The following ANK3 variants were observed in gnomAD, a reference collection of about 807,000 sequenced individuals.
ANK3 encodes the protein ankyrin-3.
A neutral mutation model predicts 370.9 loss-of-function variants in ANK3; 57 were observed. The observed-to-expected ratio is 0.15, with a 90% CI of 0.12 to 0.19. The LOEUF (loss-of-function observed/expected upper bound fraction) is 0.19. Among genes scored for constraint, ANK3 ranks in the 10% least tolerant of loss-of-function variants. The pLI is 1.00. For synonymous variants in ANK3, 1,929 were observed against 1,946.3 expected, an observed-to-expected ratio of 0.99 and a Z score of 0.23; for missense variants, 4,439 against 5,302.1, an observed-to-expected ratio of 0.84 and a Z score of 5.06.
intron 8 of ANK3, among the ~76,000 whole-genome samples, chr10:60,223,827 A>T (rs1183737841): frequency 6.6e-6 from 1 of 152,094 alleles, no homozygotes; most frequent in African/African-American, 2.4e-5. Flanking sequence ...TCTAAATAAG[A>T]TTTCCTTTTT....
At chr10:60,429,407 A>G (rs3999538) in intron 2 of ANK3, among the ~76,000 whole-genome samples, 54,916 of 152,102 alleles carry the variant, frequency 0.36, 10,294 homozygotes, top group South Asian at 0.43. Context: ...GAGGGTACAC[A>G]TATTCCAAGT....
chr10:60,052,282 C>T lies in ANK3; in HGVS notation c.13065+3376G>A, dbSNP rs573476875. On this transcript the variant is annotated intron_variant, in intron 42 of 43. Coordinates refer to ENST00000280772, the MANE Select transcript of ANK3 (RefSeq NM_020987.5). Reference sequence around the variant, plus strand: ...GGCAGAGGTTGCAGTGAGCTGAAATCGCGCCACTGCACTCCAGCCTGGGCA... The same window carrying T: ...GGCAGAGGTTGCAGTGAGCTGAAATTGCGCCACTGCACTCCAGCCTGGGCA... 3.3e-5 allele frequency among the ~76,000 whole-genome samples: 5 copies of T among 152,182 alleles called. No individual in the cohort carries two copies. The South Asian group carries it at 6.2e-4, about 19-fold the overall frequency.
chr10:60,377,632 T>C (rs1468721554), intron 1 of ANK3, among the ~76,000 whole-genome samples: 3 of 152,150 alleles, frequency 2.0e-5, no homozygotes, highest in Non-Finnish European at 4.4e-5. Flanking sequence ...CATTTATATA[T>C]AGAAAATAAA....
In ANK3 at chr10:60,029,370, C is replaced by A. The variant is rs1406415543; in HGVS notation, c.*476G>T. The A allele has an allele frequency of 1.3e-5, 2 of 152,396 alleles. No individual in the cohort carries two copies. The highest frequency in any genetic ancestry group is 4.8e-5 in the African/African-American group (2 of 41,350). 9.4% of individuals were successfully genotyped at this position (152,396 alleles called of 1,614,324 possible). ...GTGTTATTATTTACAGCAAAACTATCGATGTTTTAAAAAAGAAACAAATAG... is the reference window on the plus strand; with the variant it reads ...GTGTTATTATTTACAGCAAAACTATAGATGTTTTAAAAAAGAAACAAATAG... On this transcript the variant is annotated 3_prime_UTR_variant, in exon 44 of 44. Transcript: ENST00000280772.
At position 60,215,955 on chromosome 10, in the gene ANK3, C is replaced by T. The variant is rs556113565; in HGVS notation, c.898-2445G>A. Among the ~76,000 whole-genome samples, 8 of 152,290 alleles carry T rather than the reference C, an allele frequency of 5.3e-5. No individual in the cohort carries two copies. The South Asian group carries it at 1.0e-3, about 20-fold the overall frequency. On this transcript the variant is annotated intron_variant, in intron 8 of 43. Coordinates refer to ENST00000280772, the MANE Select transcript of ANK3 (RefSeq NM_020987.5). Reference sequence around the variant, plus strand: ...ATTTTGGGCAGTATGGCCATTTTCACGATATTAATTCTTTCTATCCATGAA... The same window carrying T: ...ATTTTGGGCAGTATGGCCATTTTCATGATATTAATTCTTTCTATCCATGAA...
chr10:60,344,826 T>C (rs2055059310), intron 1 of ANK3, among the ~76,000 whole-genome samples: 2 of 152,204 alleles, frequency 1.3e-5, no homozygotes, highest in African/African-American at 4.8e-5. Context: ...AAATTCACTC[T>C]GTGATCTGCA....
chr10:60,410,564 C>G (rs975986810), intron 2 of ANK3, among the ~76,000 whole-genome samples: 2 of 152,148 alleles, frequency 1.3e-5, no homozygotes, highest in African/African-American at 2.4e-5. Context: ...ATTTTTCAAA[C>G]AATTTTCATG....
chr10:60,679,778 A>G (rs1408893350), intron 1 of ANK3, among the ~76,000 whole-genome samples: 4 of 152,068 alleles, frequency 2.6e-5, no homozygotes. Flanking sequence ...CCCTCTTCCA[A>G]GTGTACTTTA....
intron 1 of ANK3, among the ~76,000 whole-genome samples, chr10:60,281,414 G>C (rs368943233): frequency 6.6e-6 from 1 of 152,200 alleles, no homozygotes; most frequent in Non-Finnish European, 1.5e-5. Flanking sequence ...GTCCCTTGGG[G>C]GAGGGGGCAA....
In ANK3 at chr10:60,186,878, T is replaced by C. The variant is rs759581715; in HGVS notation, c.1922A>G (p.Lys641Arg). ...GYTPLHIAAK[K>R]NQMDIATTLL... ...AGTTGTCGCTATGTCCATCTGGTTC[T>C]TTTTGGCAGCGATGTGCAGTGGCGT... is the stretch of plus-strand genomic sequence containing the variant. Residue 641 changes from lysine (K) to arginine (R), a missense_variant, in exon 17 of 44, where the codon AAG (lysine) becomes AGG (arginine). Physicochemically the swap from Lys to Arg is conservative, Grantham distance 26. Transcript: ENST00000280772. The C allele has an allele frequency of 5.0e-6, 8 of 1,614,158 alleles. No individual in the cohort carries two copies. The highest frequency in any genetic ancestry group is 4.0e-5 in the African/African-American group (3 of 75,056).
At chr10:60,300,523 G>A in intron 1 of ANK3, 1 of 1,225,106 alleles carries the variant, frequency 8.2e-7, no homozygotes, top group Non-Finnish European at 1.0e-6. Flanking sequence ...TGGAGGGTGG[G>A]CGGGGCAGAC....
At chr10:60,497,662 T>C (rs1306144972) in intron 2 of ANK3, among the ~76,000 whole-genome samples, 1 of 152,222 alleles carries the variant, frequency 6.6e-6, no homozygotes, top group Non-Finnish European at 1.5e-5. Flanking sequence ...TGGTATTCTT[T>C]ATAATAGTAT....
At chr10:60,707,074 C>A (rs1406333633) in intron 1 of ANK3, among the ~76,000 whole-genome samples, 1 of 152,048 alleles carries the variant, frequency 6.6e-6, no homozygotes, top group Non-Finnish European at 1.5e-5. Flanking sequence ...AGTTCATAAT[C>A]AATAATTACA....
chr10:60,415,928 C>CA (rs1289825821), intron 2 of ANK3, among the ~76,000 whole-genome samples: 2 of 129,614 alleles, frequency 1.5e-5, no homozygotes, highest in Non-Finnish European at 1.7e-5. Flanking sequence ...CCCCCACCCC[C>CA]CCGCCATTCA....
chr10:60,341,569 C>T (rs1167552387), intron 1 of ANK3, among the ~76,000 whole-genome samples: 6 of 152,126 alleles, frequency 3.9e-5, no homozygotes, highest in Non-Finnish European at 7.3e-5. Flanking sequence ...TATTCATGGT[C>T]TTGTTACATG....
intron 2 of ANK3, among the ~76,000 whole-genome samples, chr10:60,395,550 C>CTCTTTCTTTCTTCCTTTCTTTCTT (rs1491307989): frequency 9.2e-6 from 1 of 108,384 alleles, no homozygotes; most frequent in East Asian, 3.2e-4. Flanking sequence ...ACTACTATGC[C>CTCTTTCTTTCTTCCTTTCTTTCTT]TCTTTCTTTC....
intron 2 of ANK3, among the ~76,000 whole-genome samples, chr10:60,477,231 G>A (rs957677623): frequency 6.6e-6 from 1 of 152,064 alleles, no homozygotes; most frequent in South Asian, 2.1e-4. Context: ...TAATTTGTGG[G>A]AAATAAACAT....
intron 1 of ANK3, among the ~76,000 whole-genome samples, chr10:60,337,881 T>C (rs543406604): frequency 1.1e-4 from 16 of 152,332 alleles, no homozygotes; most frequent in African/African-American, 2.9e-4. Flanking sequence ...AAGCATTTTG[T>C]ATATGACTGG....
chr10:60,375,838 C>T lies in ANK3; in HGVS notation c.114+13587G>A, dbSNP rs78686172. Among the ~76,000 whole-genome samples, 92 of 152,244 alleles carry T rather than the reference C, an allele frequency of 6.0e-4. 3 individuals are homozygous for T. In the East Asian group the frequency reaches 0.016, roughly 26 times the overall value. Reference sequence around the variant, plus strand: ...AATTCACTTTAGCAAATTTACTTTGCCCATTTTCACTGATGACTATCACTA... The same window carrying T: ...AATTCACTTTAGCAAATTTACTTTGTCCATTTTCACTGATGACTATCACTA... On this transcript the variant is annotated intron_variant, in intron 1 of 43. Coordinates refer to ENST00000280772, the MANE Select transcript of ANK3 (RefSeq NM_020987.5).
Sources: gnomAD v4.1 joint callset for allele counts (sites outside exome capture counted in the v4.1 genomes callset) on GRCh38, gnomAD v4.1.1 for gene constraint, MANE v1.5 for transcripts, NCBI Gene and HGNC (gene_info 2026-07-23, HGNC 2026-07-21) for gene names.